DHRS4L2: variants seen among roughly 807,000 people sequenced by gnomAD.
DHRS4L2 encodes dehydrogenase/reductase 4 like 2.
DHRS4L2 carries 22 observed loss-of-function variants against 23.9 expected under a neutral mutation model. That is an observed-to-expected ratio of 0.92 (90% CI 0.66 to 1.31). The LOEUF is 1.31. DHRS4L2 is among the 40% of genes most tolerant of loss of function. DHRS4L2 has a pLI of 0.00. For missense variants in DHRS4L2, 385 were observed against 303.3 expected (o/e 1.27, Z -2.00); for synonymous variants, 141 against 123.7 (o/e 1.14, Z -0.93).
rs982122973 is a variant in DHRS4L2, at chr14:23,983,201, C to G, written c.-175-6981C>G. ...AATTTACAAGGAAAAACACAAACAA[C>G]CCCATCAAAAAGTGGGCTAAGGATG... On this transcript the variant is annotated intron_variant, in intron 1 of 5. Coordinates refer to the DHRS4L2 transcript ENST00000534993. Among the ~76,000 whole-genome samples, 3 of 151,598 alleles carry G rather than the reference C, an allele frequency of 2.0e-5. 1 individual carries two copies. Among genetic ancestry groups the G allele is most frequent in the African/African-American group, 7.3e-5 (3 of 41,290 alleles).
rs2034490193 is a variant in DHRS4L2 at position 24,001,511 on chromosome 14, C to G, written c.659C>G (p.Ala220Gly). 10 of 1,602,572 alleles carry G rather than the reference C, an allele frequency of 6.2e-6. No homozygotes were observed. Among genetic ancestry groups the G allele is most frequent in the Non-Finnish European group, 8.5e-6 (10 of 1,177,826 alleles). Residue 220 changes from alanine to glycine, a missense_variant, in exon 6 of 8, where the codon GCA becomes GGA. Physicochemically the swap from Ala to Gly is moderately conservative, Grantham distance 60. Coordinates refer to ENST00000335125, the MANE Select transcript of DHRS4L2 (RefSeq NM_198083.4). Reference protein sequence around the residue: ...LHLDLSRLASAGCSGWTRKKR... With the variant: ...LHLDLSRLASGGCSGWTRKKR... ...CTGGACTTATCAAGACTAGCTTCAG[C>G]AGGATGGTGAGGAAGGGGAGCTTTG...
chr14:23,988,443 C>A (rs1239664589), upstream of DHRS4L2, among the ~76,000 whole-genome samples: 1 of 149,492 alleles, frequency 6.7e-6, no homozygotes, highest in Non-Finnish European at 1.5e-5. Context: ...CCAGGCTGCT[C>A]CAGCCTCACC....
chr14:23,972,103 C>T (rs1441595166), intron 1 of DHRS4L2, among the ~76,000 whole-genome samples: 1 of 151,996 alleles, frequency 6.6e-6, no homozygotes, highest in East Asian at 1.9e-4. Context: ...TGCAAAGACA[C>T]ACATAGGCCC....
Position 23,973,653 on chromosome 14 carries a change from A to G in DHRS4L2, c.-176+3321A>G, listed in dbSNP as rs566698776. 3.9e-5 allele frequency among the ~76,000 whole-genome samples: 6 copies of G among 152,036 alleles called. 1 individual carries two copies. Among genetic ancestry groups the G allele is most frequent in the African/African-American group, 1.4e-4 (6 of 41,428 alleles). On this transcript the variant is annotated intron_variant, in intron 1 of 5. Transcript: ENST00000534993. ...CCAACAAAGATGAAAGGAGACAAAG[A>G]AGGCCATCACATAATGGTAAGGGGA...
intron 2 of DHRS4L2, among the ~76,000 whole-genome samples, chr14:23,994,370 A>G (rs1405396076): frequency 1.3e-5 from 2 of 151,658 alleles, no homozygotes; most frequent in Non-Finnish European, 2.9e-5. Context: ...ACAGCCTTGG[A>G]AGAATAGGAG....
intron 1 of DHRS4L2, chr14:23,970,353 G>C (rs1334431501): frequency 4.8e-6 from 2 of 417,996 alleles, no homozygotes; most frequent in African/African-American, 4.3e-5. Context: ...GAGGGCGGTG[G>C]GGGGCGGGGG....
In DHRS4L2 at chr14:23,996,958, A is replaced by C. The variant is rs373774847; in HGVS notation, c.408+1825A>C. Among the ~76,000 whole-genome samples, 28 of 125,584 alleles carry C rather than the reference A, an allele frequency of 2.2e-4. 1 individual carries two copies. Among genetic ancestry groups the C allele is most frequent in the East Asian group, 4.6e-4 (2 of 4,368 alleles). 82.4% of individuals were successfully genotyped at this position (125,584 alleles called of 152,430 possible). A position where few individuals can be genotyped will look rare whatever the true frequency, so the allele number is the denominator to read the frequency against. On this transcript the variant is annotated intron_variant, in intron 3 of 7. Transcript: ENST00000335125. ...CCAGATTCTGATAGTCTTTAAAATA[A>C]AGGAGCATCATTCATGAACAGTCTG...
chr14:24,001,143 C>G (rs10130249), intron 5 of DHRS4L2, 59 bp downstream of exon 5: 26 of 1,609,108 alleles, frequency 1.6e-5, no homozygotes, highest in Non-Finnish European at 2.1e-5. Context: ...CTTTCCACCC[C>G]TCCTATTACC....
chr14:24,001,088 A>G lies in DHRS4L2; in HGVS notation c.531+4A>G, dbSNP rs771914442. On this transcript the variant is annotated splice_donor_region_variant and intron_variant, in intron 5 of 7. Transcript: ENST00000335125. ...AGCAGCCTTCAGTCCATCTCCTGTA[A>G]GAACCCTTTTGTCTACCTCTTCCAT... 16 of 1,610,666 alleles carry G rather than the reference A, an allele frequency of 9.9e-6. 1 individual carries two copies. The Admixed American group carries it at 2.5e-4, about 25-fold the overall frequency.
At chr14:23,972,475 G>A (rs2033879880) in intron 1 of DHRS4L2, among the ~76,000 whole-genome samples, 1 of 151,950 alleles carries the variant, frequency 6.6e-6, no homozygotes. Context: ...AAGGCAGTGT[G>A]GACCCAAAGA....
chr14:23,991,658 C>T (rs2034272191), intron 2 of DHRS4L2, among the ~76,000 whole-genome samples: 1 of 151,342 alleles, frequency 6.6e-6, no homozygotes, highest in South Asian at 2.1e-4. Flanking sequence ...ACTGTCAGTC[C>T]ACAGTGGAGA....
intron 2 of DHRS4L2, among the ~76,000 whole-genome samples, chr14:23,991,476 T>TCCTA (rs2034267895): frequency 2.0e-5 from 3 of 151,776 alleles, no homozygotes. Flanking sequence ...AAAAACAACC[T>TCCTA]GTGCCCCCCA....
rs2034497756 is a variant in DHRS4L2, at chr14:24,001,957, C to CTTGTTTTTTTTT, written c.665+442_665+443insGTTTTTTTTTTT. ...CCTTTCCATTCTTCACTTTCCTCTT[C>CTTGTTTTTTTTT]TTTTTTTTTTTTTTTTCTTTTTTAA... On this transcript the variant is annotated intron_variant, in intron 6 of 7. Coordinates refer to ENST00000335125, the MANE Select transcript of DHRS4L2 (RefSeq NM_198083.4). Among the ~76,000 whole-genome samples, 3 of 5,516 alleles carry CTTGTTTTTTTTT rather than the reference C, an allele frequency of 5.4e-4. 1 individual carries two copies. The highest frequency in any genetic ancestry group is 2.2e-4 in the Non-Finnish European group (1 of 4,494). 3.6% of individuals were successfully genotyped at this position (5,516 alleles called of 152,430 possible).
At chr14:24,004,078 G>A (rs1185626990) in intron 6 of DHRS4L2, among the ~76,000 whole-genome samples, 1 of 140,384 alleles carries the variant, frequency 7.1e-6, no homozygotes, top group Non-Finnish European at 1.5e-5. Flanking sequence ...AGACCATCTT[G>A]GCTAACACGG....
chr14:23,970,350 G>T (rs1280557997), intron 1 of DHRS4L2: 5 of 420,136 alleles, frequency 1.2e-5, no homozygotes, highest in Non-Finnish European at 1.9e-5. Flanking sequence ...GGAGAGGGCG[G>T]TGGGGGGCGG....
chr14:23,992,341 G>C (rs2034287049), intron 2 of DHRS4L2, among the ~76,000 whole-genome samples: 1 of 151,686 alleles, frequency 6.6e-6, no homozygotes. Flanking sequence ...GTCAAAAAGT[G>C]GGAAATAGAG....
upstream of DHRS4L2, among the ~76,000 whole-genome samples, chr14:23,986,459 TA>T (rs1378001130): frequency 2.4e-4 from 36 of 149,080 alleles, 3 homozygotes; most frequent in Non-Finnish European, 1.5e-5. Flanking sequence ...TGTACATATG[TA>T]AAAAACCTGC....
chr14:23,972,416 G>A (rs2033877679), intron 1 of DHRS4L2, among the ~76,000 whole-genome samples: 1 of 152,000 alleles, frequency 6.6e-6, no homozygotes, highest in East Asian at 1.9e-4. Flanking sequence ...GGCCTCACTG[G>A]CCTCAGGAGT....
chr14:23,994,981 C>T, intron 2 of DHRS4L2, 51 bp from the exon 3 acceptor site: 2 of 1,601,976 alleles, frequency 1.2e-6, no homozygotes, highest in Non-Finnish European at 1.7e-6. Context: ...TGGGTAAATG[C>T]ACCTCCCTTA....
Sources: allele counts gnomAD v4.1 joint callset (sites outside exome capture counted in the v4.1 genomes callset), GRCh38; gene constraint gnomAD v4.1.1; transcripts MANE v1.5; gene names NCBI Gene and HGNC (gene_info 2026-07-23, HGNC 2026-07-21).